The following TMEM260 variants were observed in gnomAD, a reference collection of about 807,000 sequenced individuals.
The protein encoded by TMEM260 is protein O-mannosyl-transferase TMEM260.
TMEM260 carries 82 observed loss-of-function variants against 88.9 expected under a neutral mutation model. The observed-to-expected ratio is 0.92, with a 90% CI of 0.77 to 1.11. The LOEUF is 1.11. TMEM260 is among the 50% of genes least tolerant of loss of function. TMEM260 has a pLI of 0.00. For missense variants in TMEM260, 902 were observed against 853.4 expected, an observed-to-expected ratio of 1.06 and a Z score of -0.71; for synonymous variants, 314 against 309.3, an observed-to-expected ratio of 1.02 and a Z score of -0.16.
chr14:56,593,485 T>G (rs983471708), intron 3 of TMEM260, among the ~76,000 whole-genome samples: 15 of 152,000 alleles, frequency 9.9e-5, no homozygotes, highest in Non-Finnish European at 1.5e-4. Flanking sequence ...AAACATACTG[T>G]AAAGTATATT....
intron 15 of TMEM260, among the ~76,000 whole-genome samples, chr14:56,647,004 C>G (rs1475413872): frequency 6.6e-6 from 1 of 152,134 alleles, no homozygotes; most frequent in African/African-American, 2.4e-5. Context: ...TCTTCGGTTT[C>G]CCCTGCAACA....
In TMEM260 at chr14:56,603,856, T is replaced by C. The variant is rs1239550233; in HGVS notation, c.386T>C (p.Val129Ala). The C allele has an allele frequency of 6.2e-7, 1 of 1,613,694 alleles. No homozygotes were observed. Among genetic ancestry groups the C allele is most frequent in the African/African-American group, 1.3e-5 (1 of 74,838 alleles). Reference protein sequence around the residue: ...SSAGGILAAGVFSFSRLTWQW... With the variant: ...SSAGGILAAGAFSFSRLTWQW... ...GCTGGAGGAATCCTTGCTGCGGGGG[T>C]GTTTTCATTTTCTCGTCTAACATGG... Residue 129 changes from valine to alanine, a missense_variant, in exon 4 of 16, where the codon GTG (valine) becomes GCG (alanine). Transcript: ENST00000261556.
intron 15 of TMEM260, among the ~76,000 whole-genome samples, chr14:56,642,826 A>G (rs1307336294): frequency 6.6e-6 from 1 of 152,244 alleles, no homozygotes; most frequent in African/African-American, 2.4e-5. Context: ...GACAAAGGGG[A>G]TATCACCATC....
intron 3 of TMEM260, among the ~76,000 whole-genome samples, chr14:56,602,106 G>T (rs1886614381): frequency 6.6e-6 from 1 of 152,016 alleles, no homozygotes; most frequent in African/African-American, 2.4e-5. Context: ...TGTGTTTGGG[G>T]CTAGATACTT....
At chr14:56,632,955 T>G in intron 12 of TMEM260, 40 bp from the exon 13 acceptor site, 1 of 1,549,838 alleles carries the variant, frequency 6.5e-7, no homozygotes, top group Non-Finnish European at 8.8e-7. Flanking sequence ...TTTAAAACTT[T>G]AAATTTTAAG....
downstream of TMEM260, among the ~76,000 whole-genome samples, chr14:56,652,097 G>T (rs1183221151): frequency 6.6e-6 from 1 of 152,196 alleles, no homozygotes; most frequent in African/African-American, 2.4e-5. Flanking sequence ...GATTAAAACT[G>T]AAAGGGGAAC....
At chr14:56,594,796 G>A (rs1386094946) in intron 3 of TMEM260, among the ~76,000 whole-genome samples, 1 of 152,058 alleles carries the variant, frequency 6.6e-6, no homozygotes, top group Non-Finnish European at 1.5e-5. Context: ...CAGAAATTTG[G>A]ACTACCAATT....
At position 56,625,314 on chromosome 14, in the gene TMEM260, C is replaced by A. The variant is rs1888177576; in HGVS notation, c.1399-68C>A. On this transcript the variant is annotated intron_variant, in intron 11 of 15. Transcript: ENST00000261556. ...AAAGTAATTTAGGTTTTTGCCATTA[C>A]TTGATAAACTTGATTCTTTCTAAGA... 3.3e-6 allele frequency: 5 copies of A among 1,533,662 alleles called. No individual in the cohort carries two copies. In the East Asian group the frequency reaches 9.1e-5, roughly 28 times the overall value.
chr14:56,650,404 G>C (rs970738328), downstream of TMEM260: 1 of 195,638 alleles, frequency 5.1e-6, no homozygotes, highest in East Asian at 1.4e-4. Flanking sequence ...CACTGGGTGG[G>C]CTACACTCCC....
intron 12 of TMEM260, among the ~76,000 whole-genome samples, chr14:56,631,536 T>C (rs1026402054): frequency 4.2e-4 from 64 of 151,936 alleles, no homozygotes; most frequent in African/African-American, 1.4e-3. Flanking sequence ...GGCAGGAGGA[T>C]TGCTTGAGCC....
chr14:56,603,920 T>C lies in TMEM260; in HGVS notation c.450T>C (p.Asn150=). The C allele has an allele frequency of 6.2e-7, 1 of 1,613,504 alleles. No individual in the cohort carries two copies. The highest frequency in any genetic ancestry group is 1.1e-5 in the South Asian group (1 of 91,010). ...SIAAEVFSLN[N]LFVGLLMALT... The stretch of plus-strand genomic sequence containing the variant: ...CAGCAGAGGTTTTTAGCTTAAACAA[T>C]CTCTTTGTGGGGCTGCTTATGGCTC... Residue 150 remains asparagine (N), a synonymous_variant, in exon 4 of 16, where the codon AAT becomes AAC. Transcript: ENST00000261556.
intron 3 of TMEM260, among the ~76,000 whole-genome samples, chr14:56,600,192 C>T (rs553326365): frequency 1.3e-5 from 2 of 152,262 alleles, no homozygotes; most frequent in African/African-American, 2.4e-5. Flanking sequence ...ATACTGGGCC[C>T]TCCAAAACAT....
intron 15 of TMEM260, among the ~76,000 whole-genome samples, chr14:56,639,205 A>G (rs1444346104): frequency 6.6e-6 from 1 of 152,146 alleles, no homozygotes; most frequent in African/African-American, 2.4e-5. Context: ...GTGAGACAGA[A>G]TGAACACAAT....
At chr14:56,620,243 G>A (rs1194972054) in intron 10 of TMEM260, among the ~76,000 whole-genome samples, 1 of 152,092 alleles carries the variant, frequency 6.6e-6, no homozygotes, top group Non-Finnish European at 1.5e-5. Context: ...CCTGTGACGT[G>A]AATTTACCTT....
At chr14:56,655,622 C>T in the TMEM260 span, among the ~76,000 whole-genome samples, 2 of 152,110 alleles carry the variant, frequency 1.3e-5, no homozygotes, top group African/African-American at 2.4e-5. Flanking sequence ...TTTAAAGAGC[C>T]TAAACCTGGT....
chr14:56,635,456 G>A (rs1028737222), intron 14 of TMEM260, among the ~76,000 whole-genome samples: 70 of 147,900 alleles, frequency 4.7e-4, no homozygotes, highest in African/African-American at 1.7e-3. Context: ...ATAGTCTAAT[G>A]AGCAGACAGA....
the TMEM260 span, among the ~76,000 whole-genome samples, chr14:56,657,673 T>G: frequency 6.6e-6 from 1 of 152,188 alleles, no homozygotes; most frequent in African/African-American, 2.4e-5. Context: ...TTCTCATTGT[T>G]AAAAGTGTTG....
At chr14:56,655,507 C>T (rs528493112), downstream of TMEM260, among the ~76,000 whole-genome samples, 24 of 152,056 alleles carry the variant, frequency 1.6e-4, no homozygotes, top group African/African-American at 5.3e-4. Flanking sequence ...ATGCACTTTG[C>T]GCGTTTGATA....
In TMEM260 at chr14:56,603,834, G is replaced by A. The variant is rs1409259492; in HGVS notation, c.364G>A (p.Gly122Arg). The A allele has an allele frequency of 1.2e-6, 2 of 1,613,702 alleles. No homozygotes were observed. Among genetic ancestry groups the A allele is most frequent in the South Asian group, 1.1e-5 (1 of 91,070 alleles). ...TVFRLSGSSA[G>R]GILAAGVFSF... is the part of the protein sequence containing the mutation. The stretch of plus-strand genomic sequence containing the variant: ...TTGCAGGCTTTCTGGCTCATCTGCT[G>A]GAGGAATCCTTGCTGCGGGGGTGTT... Residue 122 changes from glycine (G) to arginine (R), a missense_variant, in exon 4 of 16, where the codon GGA becomes AGA. Coordinates refer to ENST00000261556, the MANE Select transcript of TMEM260 (RefSeq NM_017799.4).
Sources: gnomAD v4.1 joint callset for allele counts (sites outside exome capture counted in the v4.1 genomes callset) on GRCh38, gnomAD v4.1.1 for gene constraint, MANE v1.5 for transcripts, NCBI Gene and HGNC (gene_info 2026-07-23, HGNC 2026-07-21) for gene names.